Variants in TENM3 observed in about 807,000 individuals in gnomAD.
TENM3 encodes the protein teneurin transmembrane protein 3.
Under a neutral mutation model 255.1 loss-of-function variants are expected in TENM3, and 63 were observed. That is an observed-to-expected ratio of 0.25 (90% CI 0.20 to 0.30). The LOEUF (loss-of-function observed/expected upper bound fraction) is 0.30, where lower values mean the gene tolerates loss of function less well. TENM3 is among the 10% of genes least tolerant of loss of function. The pLI, the probability that TENM3 is intolerant of heterozygous loss-of-function variation, is 1.00. For synonymous variants in TENM3, 1,306 were observed against 1,322.3 expected, an observed-to-expected ratio of 0.99 and a Z score of 0.27; for missense variants, 2,929 against 3,461.1, an observed-to-expected ratio of 0.85 and a Z score of 3.86.
At chr4:182,594,872 A>T (rs1747050208) in intron 3 of TENM3, among the ~76,000 whole-genome samples, 1 of 151,896 alleles carries the variant, frequency 6.6e-6, no homozygotes, top group Non-Finnish European at 1.5e-5. Flanking sequence ...GGCACGTGCC[A>T]CCGCGCCCAG....
chr4:182,670,250 T>G (rs555405870), intron 6 of TENM3, among the ~76,000 whole-genome samples: 1 of 152,322 alleles, frequency 6.6e-6, no homozygotes, highest in South Asian at 2.1e-4. Context: ...AGAGTTGATG[T>G]GTGGAAAAAT....
intron 3 of TENM3, among the ~76,000 whole-genome samples, chr4:182,513,072 A>G (rs551251179): frequency 3.3e-5 from 5 of 152,330 alleles, no homozygotes; most frequent in African/African-American, 1.2e-4. Context: ...ATATTTATGA[A>G]TAATCCATGG....
the TENM3 span, among the ~76,000 whole-genome samples, chr4:182,099,145 G>C: frequency 6.6e-6 from 1 of 151,612 alleles, no homozygotes; most frequent in Non-Finnish European, 1.5e-5. Flanking sequence ...TTGTATTTTA[G>C]TAGAGACGGG....
intron 1 of TENM3, among the ~76,000 whole-genome samples, chr4:182,246,276 T>A (rs1757637200): frequency 6.6e-6 from 1 of 152,070 alleles, no homozygotes. Flanking sequence ...AAGAATTTTT[T>A]AAAAAGAAGT....
the TENM3 span, among the ~76,000 whole-genome samples, chr4:181,922,700 A>C: frequency 6.6e-6 from 1 of 151,178 alleles, no homozygotes; most frequent in Admixed American, 6.6e-5. Context: ...TGGATTCATT[A>C]ATTTTTTGAA....
intron 18 of TENM3, among the ~76,000 whole-genome samples, chr4:182,738,972 A>T (rs1761395378): frequency 6.6e-6 from 1 of 152,188 alleles, no homozygotes; most frequent in Non-Finnish European, 1.5e-5. Context: ...AAGAAAAAAA[A>T]ATCATGTGAC....
chr4:181,485,228 T>C, the TENM3 span, among the ~76,000 whole-genome samples: 1 of 152,186 alleles, frequency 6.6e-6, no homozygotes, highest in Non-Finnish European at 1.5e-5. Flanking sequence ...TTTTAGCTAA[T>C]ATTTTTCCTA....
At chr4:181,757,925 T>C in the TENM3 span, among the ~76,000 whole-genome samples, 1 of 152,198 alleles carries the variant, frequency 6.6e-6, no homozygotes, top group African/African-American at 2.4e-5. Flanking sequence ...CTCTGTTTTC[T>C]TTGATCTATG....
At chr4:182,194,599 G>A (rs1461967359) in intron 1 of TENM3, among the ~76,000 whole-genome samples, 1 of 152,172 alleles carries the variant, frequency 6.6e-6, no homozygotes, top group Non-Finnish European at 1.5e-5. Context: ...GACAGATTAT[G>A]TGATCTTTTT....
At chr4:182,483,030 G>T (rs1734344607) in intron 3 of TENM3, among the ~76,000 whole-genome samples, 2 of 151,696 alleles carry the variant, frequency 1.3e-5, no homozygotes, top group African/African-American at 4.8e-5. Context: ...TACAGGAAAA[G>T]AAAAAGAACA....
intron 2 of TENM3, among the ~76,000 whole-genome samples, chr4:182,341,600 G>T (rs537762994): frequency 6.6e-6 from 1 of 152,216 alleles, no homozygotes; most frequent in African/African-American, 2.4e-5. Flanking sequence ...TCTCTTTCTG[G>T]CCAACATTTG....
At chr4:181,969,183 C>G in the TENM3 span, among the ~76,000 whole-genome samples, 6 of 152,112 alleles carry the variant, frequency 3.9e-5, no homozygotes, top group African/African-American at 1.4e-4. Flanking sequence ...GTTCCACTGC[C>G]AAACACGTTA....
At chr4:181,703,754 A>T in the TENM3 span, among the ~76,000 whole-genome samples, 1 of 151,896 alleles carries the variant, frequency 6.6e-6, no homozygotes, top group Admixed American at 6.6e-5. Context: ...GGCATCCAGG[A>T]CTTATCTTCC....
At chr4:181,873,692 T>C in the TENM3 span, among the ~76,000 whole-genome samples, 1 of 152,110 alleles carries the variant, frequency 6.6e-6, no homozygotes, top group African/African-American at 2.4e-5. Context: ...TCTTGGCAAA[T>C]GTTTTAAGTG....
chr4:182,434,900 C>T (rs1222721475), intron 3 of TENM3, among the ~76,000 whole-genome samples: 4 of 152,124 alleles, frequency 2.6e-5, no homozygotes, highest in African/African-American at 9.7e-5. Context: ...AGCCACACAG[C>T]TCAGCCTGGG....
intron 3 of TENM3, among the ~76,000 whole-genome samples, chr4:182,422,520 T>A (rs1209781572): frequency 6.6e-6 from 1 of 152,162 alleles, no homozygotes; most frequent in African/African-American, 2.4e-5. Flanking sequence ...GGCTGCAAAT[T>A]ATGAAGTGTA....
chr4:182,120,410 T>C, the TENM3 span, among the ~76,000 whole-genome samples: 4 of 152,344 alleles, frequency 2.6e-5, no homozygotes, highest in African/African-American at 9.6e-5. Flanking sequence ...AATGTATCTC[T>C]GCCAAGCGAT....
chr4:181,840,792 A>C, the TENM3 span, among the ~76,000 whole-genome samples: 1 of 152,122 alleles, frequency 6.6e-6, no homozygotes, highest in Admixed American at 6.5e-5. Flanking sequence ...TACTTCTAGA[A>C]GATAGGAGAA....
At chr4:182,067,206 C>T in the TENM3 span, among the ~76,000 whole-genome samples, 2,206 of 152,206 alleles carry the variant, frequency 0.014, 45 homozygotes, top group African/African-American at 0.05. Flanking sequence ...ACTTTTAGAG[C>T]TATTACCTTA....
Sources: allele counts gnomAD v4.1 joint callset (sites outside exome capture counted in the v4.1 genomes callset), GRCh38; gene constraint gnomAD v4.1.1; transcripts MANE v1.5; gene names NCBI Gene and HGNC (gene_info 2026-07-23, HGNC 2026-07-21).